Variants in EXT1 observed in about 807,000 individuals in gnomAD.
The protein encoded by EXT1 is exostosin glycosyltransferase 1.
In EXT1, 20 loss-of-function variants were observed where a neutral mutation model predicts 82.5. The observed-to-expected ratio is 0.24, with a 90% CI of 0.17 to 0.35. The LOEUF is 0.35. EXT1 is among the 10% of genes least tolerant of loss of function. The pLI is 1.00. For synonymous variants in EXT1, 348 were observed against 350.8 expected, an observed-to-expected ratio of 0.99 and a Z score of 0.09; for missense variants, 757 against 936.5, an observed-to-expected ratio of 0.81 and a Z score of 2.50.
intron 1 of EXT1, among the ~76,000 whole-genome samples, chr8:118,029,034 T>G (rs1335588762): frequency 6.6e-6 from 1 of 152,184 alleles, no homozygotes; most frequent in African/African-American, 2.4e-5. Flanking sequence ...ATTGTCTAGT[T>G]AGGCAGTATG....
intron 1 of EXT1, among the ~76,000 whole-genome samples, chr8:118,072,727 T>C (rs1405081726): frequency 6.6e-6 from 1 of 152,258 alleles, no homozygotes; most frequent in Non-Finnish European, 1.5e-5. Flanking sequence ...GTGTCTTTTT[T>C]CTGTTCTTCC....
chr8:117,805,241 AAAG>A (rs1484213359), intron 9 of EXT1, among the ~76,000 whole-genome samples: 2 of 152,240 alleles, frequency 1.3e-5, no homozygotes, highest in African/African-American at 4.8e-5. Flanking sequence ...GGTGAGTTAG[AAAG>A]AAGAACTAAA....
In EXT1 at chr8:117,885,308, A is replaced by G. The variant is rs17503997; in HGVS notation, c.963-48107T>C. ...AAAGTAAATATTTTAAGTAAATATCAAAAGATGGGAACTTGCCTAGAGATT... is the reference window on the plus strand; with the variant it reads ...AAAGTAAATATTTTAAGTAAATATCGAAAGATGGGAACTTGCCTAGAGATT... On this transcript the variant is annotated intron_variant, in intron 1 of 10. Coordinates refer to ENST00000378204, the MANE Select transcript of EXT1 (RefSeq NM_000127.3). 2.6e-3 allele frequency among the ~76,000 whole-genome samples: 397 copies of G among 152,344 alleles called. 2 individuals are homozygous for G. The highest frequency in any genetic ancestry group is 9.3e-3 in the African/African-American group (385 of 41,576).
chr8:118,079,664 C>T (rs375948924), intron 1 of EXT1, among the ~76,000 whole-genome samples: 1 of 148,784 alleles, frequency 6.7e-6, no homozygotes, highest in South Asian at 2.3e-4. Context: ...CGCCCCCACC[C>T]CCACCCCACC....
At chr8:118,065,037 G>C (rs938628707) in intron 1 of EXT1, among the ~76,000 whole-genome samples, 20 of 151,934 alleles carry the variant, frequency 1.3e-4, no homozygotes, top group Non-Finnish European at 2.8e-4. Context: ...ATTTTTAGTA[G>C]AGATGGGGTT....
chr8:117,874,575 CAAA>C (rs61249983), intron 1 of EXT1, among the ~76,000 whole-genome samples: 12 of 69,748 alleles, frequency 1.7e-4, no homozygotes, highest in Non-Finnish European at 1.4e-4. Flanking sequence ...GACTCTGCCT[CAAA>C]AAAAAAAAAA....
At chr8:117,882,088 A>T (rs563711456) in intron 1 of EXT1, among the ~76,000 whole-genome samples, 2 of 152,182 alleles carry the variant, frequency 1.3e-5, no homozygotes, top group Admixed American at 1.3e-4. Context: ...TGTTTAATTT[A>T]ATTTATTTAT....
At chr8:117,878,998 T>A (rs1279246725) in intron 1 of EXT1, among the ~76,000 whole-genome samples, 1 of 152,188 alleles carries the variant, frequency 6.6e-6, no homozygotes, top group Non-Finnish European at 1.5e-5. Context: ...ATGAGAATGG[T>A]GAAGCCATAA....
chr8:117,951,106 A>C (rs1814482881), intron 1 of EXT1, among the ~76,000 whole-genome samples: 1 of 152,214 alleles, frequency 6.6e-6, no homozygotes, highest in Non-Finnish European at 1.5e-5. Context: ...CTTTTCTGAG[A>C]GCTAATCAAT....
At chr8:117,858,790 CAAGGCAAGGCAAGGCA>C (rs1812619806) in intron 1 of EXT1, among the ~76,000 whole-genome samples, 2 of 92,114 alleles carry the variant, frequency 2.2e-5, no homozygotes, top group East Asian at 3.3e-4. Context: ...GGCAGGCAGG[CAAGGCAAGGCAAGGCA>C]AGGCAGGAAG....
chr8:118,057,671 T>A (rs111365510), intron 1 of EXT1, among the ~76,000 whole-genome samples: 7 of 150,238 alleles, frequency 4.7e-5, no homozygotes, highest in African/African-American at 1.7e-4. Context: ...CTGGTCTCTT[T>A]AAAAAAAAAA....
intron 1 of EXT1, among the ~76,000 whole-genome samples, chr8:117,855,444 T>C (rs1042315024): frequency 1.3e-5 from 2 of 152,196 alleles, no homozygotes; most frequent in Admixed American, 6.5e-5. Context: ...CTCTTTGATA[T>C]GTTACTACTG....
chr8:117,892,258 A>T (rs10808489), intron 1 of EXT1, among the ~76,000 whole-genome samples: 62,266 of 152,036 alleles, frequency 0.41, 13,145 homozygotes, highest in South Asian at 0.46. Context: ...CTGCTAAGTG[A>T]TGCTTAAGGA....
At chr8:117,832,688 T>C (rs1587002452) in intron 3 of EXT1, among the ~76,000 whole-genome samples, 1 of 152,216 alleles carries the variant, frequency 6.6e-6, no homozygotes, top group Non-Finnish European at 1.5e-5. Flanking sequence ...TTCATCTTAC[T>C]ACATCAAGTG....
chr8:117,914,677 T>C (rs1813713099), intron 1 of EXT1, among the ~76,000 whole-genome samples: 1 of 152,194 alleles, frequency 6.6e-6, no homozygotes, highest in Non-Finnish European at 1.5e-5. Context: ...AACTGAGATA[T>C]GCCCTGGTCT....
At chr8:117,846,289 G>A (rs1014933878) in intron 1 of EXT1, among the ~76,000 whole-genome samples, 9 of 151,844 alleles carry the variant, frequency 5.9e-5, no homozygotes, top group African/African-American at 1.9e-4. Flanking sequence ...TGTATTTTTA[G>A]TAGAGATGGG....
At chr8:117,833,202 A>G (rs1158193108) in intron 3 of EXT1, among the ~76,000 whole-genome samples, 1 of 152,160 alleles carries the variant, frequency 6.6e-6, no homozygotes, top group African/African-American at 2.4e-5. Flanking sequence ...ACTGAATATG[A>G]GAGGGGAAAA....
At chr8:118,104,261 G>A (rs941349786) in intron 1 of EXT1, among the ~76,000 whole-genome samples, 1 of 152,238 alleles carries the variant, frequency 6.6e-6, no homozygotes, top group African/African-American at 2.4e-5. Flanking sequence ...GTTTATTACA[G>A]GAGCCTGGTC....
intron 1 of EXT1, among the ~76,000 whole-genome samples, chr8:117,865,935 A>T (rs1169908774): frequency 6.6e-6 from 1 of 152,242 alleles, no homozygotes; most frequent in African/African-American, 2.4e-5. Flanking sequence ...TCAACATACA[A>T]GAAGTTAAGC....
Sources: gnomAD v4.1 joint callset for allele counts (sites outside exome capture counted in the v4.1 genomes callset) on GRCh38, gnomAD v4.1.1 for gene constraint, MANE v1.5 for transcripts, NCBI Gene and HGNC (gene_info 2026-07-23, HGNC 2026-07-21) for gene names.